C7: variants seen among roughly 807,000 people sequenced by gnomAD.
C7 encodes complement C7, also known as complement component C7.
In C7, 83 loss-of-function variants were observed where a neutral mutation model predicts 104.8. The ratio of observed to expected loss-of-function variants is 0.79; its 90% CI spans 0.66 to 0.95. The LOEUF is 0.95. C7 is among the 40% of genes least tolerant of loss of function. The probability of loss-of-function intolerance (pLI) is 0.00; values close to 1 mark genes in which losing one functional copy is unlikely to be tolerated. For missense variants in C7, 1,070 were observed against 1,011.2 expected (o/e 1.06, Z -0.79); for synonymous variants, 415 against 360.6 (o/e 1.15, Z -1.71).
intron 6 of C7, among the ~76,000 whole-genome samples, chr5:40,938,369 ATTC>A (rs1276276348): frequency 2.0e-5 from 3 of 152,020 alleles, no homozygotes; most frequent in Non-Finnish European, 4.4e-5. Context: ...AATCATATCT[ATTC>A]TTCTGTTACT....
chr5:40,959,632 C>T lies in C7; in HGVS notation c.1661+12C>T, dbSNP rs1267303539. 11 of 1,565,900 alleles carry T rather than the reference C, an allele frequency of 7.0e-6. No individual in the cohort carries two copies. The highest frequency in any genetic ancestry group is 9.5e-6 in the Non-Finnish European group (11 of 1,156,344). The stretch of plus-strand genomic sequence containing the variant: ...CTGGAGCACTTGAGGTAATGGAGAC[C>T]CGACCCCCTGGCAGTTGCATAGAAC... On this transcript the variant is annotated intron_variant, in intron 12 of 17. Transcript: ENST00000313164.
At chr5:40,977,892 G>A (rs533487723) in intron 16 of C7, among the ~76,000 whole-genome samples, 2 of 152,266 alleles carry the variant, frequency 1.3e-5, no homozygotes, top group Admixed American at 1.3e-4. Context: ...CCAGCACTTT[G>A]GGAGGCCAAG....
At chr5:40,954,181 C>T (rs1056393830) in intron 9 of C7, among the ~76,000 whole-genome samples, 1 of 152,076 alleles carries the variant, frequency 6.6e-6, no homozygotes, top group African/African-American at 2.4e-5. Flanking sequence ...TTATTTTATT[C>T]ATTGTTAGTA....
In C7 at chr5:40,962,965, C is replaced by T. The variant is rs116526238; in HGVS notation, c.1749+793C>T. 3.9e-3 allele frequency among the ~76,000 whole-genome samples: 601 copies of T among 152,236 alleles called. 5 individuals are homozygous for T. Among genetic ancestry groups the T allele is most frequent in the African/African-American group, 0.014 (568 of 41,540 alleles). On this transcript the variant is annotated intron_variant, in intron 13 of 17. Coordinates refer to ENST00000313164, the MANE Select transcript of C7 (RefSeq NM_000587.4). ...TTGGGAGATGAAAGTTGTGTGTTCA[C>T]GCAAGTGTGTGTGTGTGTTTGTGTA...
intron 1 of C7, among the ~76,000 whole-genome samples, chr5:40,921,639 A>G (rs1409523866): frequency 6.6e-6 from 1 of 152,184 alleles, no homozygotes; most frequent in Non-Finnish European, 1.5e-5. Flanking sequence ...CAAAAATAGC[A>G]TACTACTGTC....
At chr5:40,926,055 T>C (rs994587675) in intron 1 of C7, among the ~76,000 whole-genome samples, 1 of 152,166 alleles carries the variant, frequency 6.6e-6, no homozygotes, top group African/African-American at 2.4e-5. Flanking sequence ...ATTAAAAGTA[T>C]CATCTACCAC....
At chr5:40,940,830 T>C in intron 6 of C7, among the ~76,000 whole-genome samples, 1 of 152,160 alleles carries the variant, frequency 6.6e-6, no homozygotes. Context: ...AAAAGCTAAA[T>C]AGCTTATCCA....
Position 40,951,671 on chromosome 5 carries a change from G to A in C7, c.1093+1657G>A, listed in dbSNP as rs145630748. On this transcript the variant is annotated intron_variant, in intron 9 of 17. Transcript: ENST00000313164. ...GGAAGAGATTCCATAGTATGGTAGG[G>A]GTGTAAGTGAGACTGCAATGCATTG... Among the ~76,000 whole-genome samples the A allele has an allele frequency of 4.9e-4, 75 of 152,240 alleles. 1 individual carries two copies. Among genetic ancestry groups the A allele is most frequent in the African/African-American group, 1.7e-3 (72 of 41,532 alleles).
At chr5:40,939,739 T>TA (rs1165326593) in intron 6 of C7, among the ~76,000 whole-genome samples, 1 of 152,238 alleles carries the variant, frequency 6.6e-6, no homozygotes, top group Non-Finnish European at 1.5e-5. Context: ...TTTAGAAAGT[T>TA]ACAGAGCAGA....
chr5:40,939,619 A>G (rs531466361), intron 6 of C7, among the ~76,000 whole-genome samples: 4 of 152,372 alleles, frequency 2.6e-5, no homozygotes, highest in Non-Finnish European at 5.9e-5. Context: ...AATGTAAGAC[A>G]GGCATATACA....
chr5:40,919,909 G>A (rs1476100366), intron 1 of C7, among the ~76,000 whole-genome samples: 2 of 151,824 alleles, frequency 1.3e-5, no homozygotes, highest in Non-Finnish European at 2.9e-5. Context: ...AAATAAATAA[G>A]CTAATGTCAT....
intron 1 of C7, among the ~76,000 whole-genome samples, chr5:40,922,079 CA>C (rs1470602075): frequency 1.4e-5 from 2 of 143,538 alleles, no homozygotes; most frequent in Admixed American, 7.1e-5. Context: ...AAAACAACAA[CA>C]AAAAATACAT....
rs1018008665 is a variant in C7, at chr5:40,917,842, G to A, written c.6+8226G>A. On this transcript the variant is annotated intron_variant, in intron 1 of 17. Transcript: ENST00000313164. The stretch of plus-strand genomic sequence containing the variant: ...TTTTCAAATCATTTAAGAAATGTAA[G>A]CTAGAACTATTAATGACAACTATAG... Among the ~76,000 whole-genome samples, 13 of 152,180 alleles carry A rather than the reference G, an allele frequency of 8.5e-5. 1 individual carries two copies. The highest frequency in any genetic ancestry group is 5.2e-4 in the Admixed American group (8 of 15,280).
At chr5:40,928,714 T>C (rs987302957) in intron 2 of C7, 79 bp downstream of exon 2, 10 of 851,016 alleles carry the variant, frequency 1.2e-5, no homozygotes, top group African/African-American at 3.4e-5. Context: ...AATTTTGACA[T>C]TGCACTTTGA....
chr5:40,924,652 A>ATCC (rs74282296), intron 1 of C7, among the ~76,000 whole-genome samples: 34,427 of 152,038 alleles, frequency 0.23, 4,060 homozygotes, highest in East Asian at 0.32. Flanking sequence ...TTTCTCATAC[A>ATCC]TCTGAAATCT....
chr5:40,964,740 G>A lies in C7; in HGVS notation c.1750-1G>A. 1.9e-6 allele frequency: 3 copies of A among 1,611,876 alleles called. No homozygotes were observed. The highest frequency in any genetic ancestry group is 2.5e-6 in the Non-Finnish European group (3 of 1,178,650). On this transcript the variant is annotated splice_acceptor_variant, in intron 13 of 17. Transcript: ENST00000313164. LOFTEE classifies it high-confidence loss of function. ...CTTTTCCATCTTTTACTTTTGTTTA[G>A]GATGAAGGTACAATGTTTCCTGTGG...
Position 40,983,246 on chromosome 5 carries a change from C to T in C7, c.*1673C>T, listed in dbSNP as rs1561264407. Among the ~76,000 whole-genome samples the T allele has an allele frequency of 6.6e-6, 1 of 152,184 alleles. No individual in the cohort carries two copies. The highest frequency in any genetic ancestry group is 1.5e-5 in the Non-Finnish European group (1 of 68,036). ...GCAGACCCTGAGACAAAAGGTTGAA[C>T]AAGTAATTCATTTGGAAGGAAATAC... On this transcript the variant is annotated 3_prime_UTR_variant, in exon 18 of 18. Coordinates refer to ENST00000313164, the MANE Select transcript of C7 (RefSeq NM_000587.4).
intron 7 of C7, among the ~76,000 whole-genome samples, chr5:40,945,875 CATATATATAT>C (rs58480949): frequency 0.016 from 2,025 of 127,314 alleles, 38 homozygotes; most frequent in African/African-American, 0.052. Flanking sequence ...AAAAAAAATA[CATATATATAT>C]ATATATATAT....
intron 10 of C7, among the ~76,000 whole-genome samples, chr5:40,956,808 T>C (rs1740299619): frequency 6.6e-6 from 1 of 152,220 alleles, no homozygotes; most frequent in African/African-American, 2.4e-5. Flanking sequence ...GAAATTTTCC[T>C]AGAAAGTCTT....
Sources: gnomAD v4.1 joint callset for allele counts (sites outside exome capture counted in the v4.1 genomes callset) on GRCh38, gnomAD v4.1.1 for gene constraint, MANE v1.5 for transcripts, NCBI Gene and HGNC (gene_info 2026-07-23, HGNC 2026-07-21) for gene names.